The following RBCK1 variants were observed in gnomAD, a reference collection of about 807,000 sequenced individuals.
RBCK1 encodes the protein RANBP2-type and C3HC4-type zinc finger containing 1.
Under a neutral mutation model 71.1 loss-of-function variants are expected in RBCK1, and 44 were observed. The ratio of observed to expected loss-of-function variants is 0.62; its 90% CI spans 0.49 to 0.80. RBCK1 has a LOEUF of 0.80. RBCK1 is among the 30% of genes least tolerant of loss of function. RBCK1 has a pLI of 0.00. For synonymous variants in RBCK1, 306 were observed against 279.7 expected (o/e 1.09, Z -0.94); for missense variants, 569 against 685.0 (o/e 0.83, Z 1.89).
Position 419,435 on chromosome 20 carries a change from G to C in RBCK1, c.549G>C (p.Arg183=), listed in dbSNP as rs1029755805. ...PKPGVPQEPG[R]GQPDAVPEPP... ...CCGGGGTCCCCCAGGAACCCGGACG[G>C]GGGCAGCCAGATGCAGTGCCTGAGC... Residue 183 remains arginine, a synonymous_variant, in exon 5 of 12, where the codon CGG becomes CGC. Transcript: ENST00000356286. The C allele has an allele frequency of 6.2e-7, 1 of 1,609,178 alleles. No individual in the cohort carries two copies. Among genetic ancestry groups the C allele is most frequent in the Middle Eastern group, 1.7e-4 (1 of 6,010 alleles).
chr20:411,430 C>T (rs1410189737), intron 2 of RBCK1, among the ~76,000 whole-genome samples: 9 of 152,002 alleles, frequency 5.9e-5, no homozygotes, highest in African/African-American at 1.2e-4. Context: ...TGCAGTGGCG[C>T]GATCTCAGCT....
At chr20:419,769 G>A (rs780653781) in intron 6 of RBCK1, 38 bp downstream of exon 6, 4 of 1,521,722 alleles carry the variant, frequency 2.6e-6, no homozygotes, top group Non-Finnish European at 2.6e-6. Flanking sequence ...CCTGCAGACC[G>A]CACGGGGGAG....
At position 420,891 on chromosome 20, in the gene RBCK1, G is replaced by C. The variant is rs946047820; in HGVS notation, c.777G>C (p.Glu259Asp). 1 of 1,554,962 alleles carries C rather than the reference G, an allele frequency of 6.4e-7. No homozygotes were observed. The highest frequency in any genetic ancestry group is 1.4e-5 in the African/African-American group (1 of 72,350). ...CCCAGCGGAAGCAGCAGCAGCAGGA[G>C]GGGAACTACCTGCAGCACGTCCAGC... is the stretch of plus-strand genomic sequence containing the variant. ...QYQQRKQQQQ[E>D]GNYLQHVQLD... Residue 259 changes from glutamate (E) to aspartate (D), a missense_variant, in exon 7 of 12, where the codon GAG (glutamate) becomes GAC (aspartate). Glu to Asp is a conservative substitution (Grantham distance 45, BLOSUM62 2). Transcript: ENST00000356286.
chr20:426,259 AATT>A lies in RBCK1; in HGVS notation c.1030-1050_1030-1048del, dbSNP rs1042902968. 1.3e-3 allele frequency among the ~76,000 whole-genome samples: 196 copies of A among 152,294 alleles called. 1 individual carries two copies. Among genetic ancestry groups the A allele is most frequent in the African/African-American group, 4.4e-3 (181 of 41,560 alleles). Reference sequence around the variant, plus strand: ...TTAGTTATTATAAAATGTACAATTAAATTATTGGCTACAGTCTGTTGTGCTATC... The same window carrying A: ...TTAGTTATTATAAAATGTACAATTAAATTGGCTACAGTCTGTTGTGCTATC... On this transcript the variant is annotated intron_variant, in intron 8 of 11. Transcript: ENST00000356286.
Position 408,567 on chromosome 20 carries a change from C to T in RBCK1, c.-191C>T. 1 of 706,402 alleles carries T rather than the reference C, an allele frequency of 1.4e-6. No individual in the cohort carries two copies. Among genetic ancestry groups the T allele is most frequent in the East Asian group, 2.8e-5 (1 of 36,148 alleles). The allele number at this position is 706,402 out of a possible 1,614,324, so 43.8% of individuals were successfully genotyped here. A position where few individuals can be genotyped will look rare whatever the true frequency, so the allele number is the denominator to read the frequency against. ...TCACCGCCCCACGCAGGATCCCGGCCTGGTCACCGGGCAGTGTGATGCTTC... is the reference window on the plus strand; with the variant it reads ...TCACCGCCCCACGCAGGATCCCGGCTTGGTCACCGGGCAGTGTGATGCTTC... On this transcript the variant is annotated 5_prime_UTR_variant, in exon 1 of 12. Transcript: ENST00000356286.
At position 418,756 on chromosome 20, in the gene RBCK1, C is replaced by CT. The variant is rs1458710956; in HGVS notation, c.461-588dup. ...AGAGTAAGTTGCAGACATGATGTCT[C>CT]TTTCCCCTAAATAATTCAGTGTGCA... is the stretch of plus-strand genomic sequence containing the variant. On this transcript the variant is annotated intron_variant, in intron 4 of 11. Coordinates refer to ENST00000356286, the MANE Select transcript of RBCK1 (RefSeq NM_031229.4). Among the ~76,000 whole-genome samples, 4 of 152,256 alleles carry CT rather than the reference C, an allele frequency of 2.6e-5. No homozygotes were observed. In the East Asian group the frequency reaches 7.7e-4, roughly 29 times the overall value.
At chr20:426,939 A>G (rs1484821649) in intron 8 of RBCK1, among the ~76,000 whole-genome samples, 10 of 147,072 alleles carry the variant, frequency 6.8e-5, no homozygotes, top group Non-Finnish European at 1.5e-4. Flanking sequence ...GATCCTCACA[A>G]CCCAGCCTCC....
rs2122282048 is a variant in RBCK1, at chr20:422,190, C to T, written c.981C>T (p.Asp327=). 6.2e-7 allele frequency: 1 copy of T among 1,613,400 alleles called. No individual in the cohort carries two copies. Among genetic ancestry groups the T allele is most frequent in the African/African-American group, 1.3e-5 (1 of 75,022 alleles). The change falls in exon 8 of 12, where the codon GAC becomes GAT. Residue 327 remains aspartate (D), a synonymous_variant. Coordinates refer to ENST00000356286, the MANE Select transcript of RBCK1 (RefSeq NM_031229.4). This position sits in a 1 kb window ranked among gnomAD's most constrained non-coding sequence, Gnocchi z 5.0. ...CGGAGGTCTCCTGCCCCTTCATTGA[C>T]AACACCTACTCGTGCTCGGGCAAGC... ...QEAEVSCPFI[D]NTYSCSGKLL...
At chr20:419,322 A>G (rs1252215726) in intron 4 of RBCK1, 25 bp from the exon 5 acceptor site, 1 of 1,610,920 alleles carries the variant, frequency 6.2e-7, no homozygotes, top group Non-Finnish European at 8.5e-7. Context: ...GCGTGGAACC[A>G]CCACCCTTTA....
chr20:429,087 G>A lies in RBCK1; in HGVS notation c.1445G>A (p.Gly482Asp). 1 of 1,611,858 alleles carries A rather than the reference G, an allele frequency of 6.2e-7. No homozygotes were observed. Among genetic ancestry groups the A allele is most frequent in the Non-Finnish European group, 8.5e-7 (1 of 1,179,056 alleles). ...TGGGTCACCAAGGGCCCACGCTGGG[G>A]CCCTGGGGTGAGTCTTTGCTCGTGG... ...ICWVTKGPRW[G>D]PGGPGDTSGG... The change falls in exon 11 of 12, where the codon GGC (glycine) becomes GAC (aspartate). Residue 482 changes from glycine to aspartate, a missense_variant. Physicochemically the swap from Gly to Asp is moderately conservative, Grantham distance 94. Transcript: ENST00000356286.
chr20:430,261 A>G lies in RBCK1; in HGVS notation c.1453-89A>G, dbSNP rs2016948929. ...GCCATTCTTGCAGGAGGACCTGCAG[A>G]GGCAAAGGCCCGGGGTGGGAGAGCG... On this transcript the variant is annotated intron_variant, in intron 11 of 11. Coordinates refer to ENST00000356286, the MANE Select transcript of RBCK1 (RefSeq NM_031229.4). The surrounding 1 kb of genome is among the most constrained non-coding windows in gnomAD (Gnocchi z 5.6). 1 of 1,194,668 alleles carries G rather than the reference A, an allele frequency of 8.4e-7. No individual in the cohort carries two copies. The highest frequency in any genetic ancestry group is 1.8e-5 in the Admixed American group (1 of 55,678). 74.0% of individuals were successfully genotyped at this position (1,194,668 alleles called of 1,614,324 possible). A position where few individuals can be genotyped will look rare whatever the true frequency, so the allele number is the denominator to read the frequency against.
Position 430,609 on chromosome 20 carries a change from G to A in RBCK1, c.*179G>A, listed in dbSNP as rs919362741. The A allele has an allele frequency of 2.6e-5, 17 of 645,680 alleles. No individual in the cohort carries two copies. The highest frequency in any genetic ancestry group is 3.7e-5 in the South Asian group (2 of 54,362). 40.0% of individuals were successfully genotyped at this position (645,680 alleles called of 1,614,324 possible). ...CTTTGTCCTTCCCTTGGGGCTTGCCGGCCAGACTTCTCTCCCCTGCGGCTC... is the reference window on the plus strand; with the variant it reads ...CTTTGTCCTTCCCTTGGGGCTTGCCAGCCAGACTTCTCTCCCCTGCGGCTC... On this transcript the variant is annotated 3_prime_UTR_variant, in exon 12 of 12. Coordinates refer to ENST00000356286, the MANE Select transcript of RBCK1 (RefSeq NM_031229.4). This position sits in a 1 kb window ranked among gnomAD's most constrained non-coding sequence, Gnocchi z 5.6.
Position 422,059 on chromosome 20 carries a change from G to A in RBCK1, c.918-68G>A, listed in dbSNP as rs2016467413. On this transcript the variant is annotated intron_variant, in intron 7 of 11. Coordinates refer to ENST00000356286, the MANE Select transcript of RBCK1 (RefSeq NM_031229.4). This position sits in a 1 kb window ranked among gnomAD's most constrained non-coding sequence, Gnocchi z 5.0. The stretch of plus-strand genomic sequence containing the variant: ...GGCCCCTGGGGTCAGGCCTTGCCAT[G>A]TGAGGGATGGAGTCCCCAGTGAAGG... The A allele has an allele frequency of 7.8e-7, 1 of 1,286,086 alleles. No homozygotes were observed. The allele number at this position is 1,286,086 out of a possible 1,614,324, so 79.7% of individuals were successfully genotyped here. A position where few individuals can be genotyped will look rare whatever the true frequency, so the allele number is the denominator to read the frequency against.
At chr20:413,804 T>TC (rs11484235) in intron 2 of RBCK1, among the ~76,000 whole-genome samples, 11,404 of 151,996 alleles carry the variant, frequency 0.075, 533 homozygotes, top group East Asian at 0.21. Context: ...TATGTGTTAT[T>TC]GGTAATAACA....
At chr20:415,935 G>A (rs147148864) in intron 2 of RBCK1, among the ~76,000 whole-genome samples, 111 of 152,248 alleles carry the variant, frequency 7.3e-4, no homozygotes, top group Non-Finnish European at 1.3e-3. Context: ...GACTCACTAT[G>A]GCGAGAAGTC....
Position 429,107 on chromosome 20 carries a change from T to C in RBCK1, c.1452+13T>C. 1 of 1,606,364 alleles carries C rather than the reference T, an allele frequency of 6.2e-7. No individual in the cohort carries two copies. Among genetic ancestry groups the C allele is most frequent in the African/African-American group, 1.3e-5 (1 of 74,784 alleles). On this transcript the variant is annotated intron_variant, in intron 11 of 11. Transcript: ENST00000356286. ...CTGGGGCCCTGGGGTGAGTCTTTGCTCGTGGTGGTGTGGAGAGGGTGCCCT... is the reference window on the plus strand; with the variant it reads ...CTGGGGCCCTGGGGTGAGTCTTTGCCCGTGGTGGTGTGGAGAGGGTGCCCT...
chr20:430,486 A>G lies in RBCK1; in HGVS notation c.*56A>G, dbSNP rs1424278360. 9 of 1,531,252 alleles carry G rather than the reference A, an allele frequency of 5.9e-6. No homozygotes were observed. Among genetic ancestry groups the G allele is most frequent in the Non-Finnish European group, 8.1e-6 (9 of 1,105,678 alleles). 94.9% of individuals were successfully genotyped at this position (1,531,252 alleles called of 1,614,324 possible). On this transcript the variant is annotated 3_prime_UTR_variant, in exon 12 of 12. Coordinates refer to ENST00000356286, the MANE Select transcript of RBCK1 (RefSeq NM_031229.4). This position sits in a 1 kb window ranked among gnomAD's most constrained non-coding sequence, Gnocchi z 5.6. ...AGCCCCACATCCACATTCTGTTAGA[A>G]TGTAGCTCAGGGAGCTTCGTGGACG...
intron 7 of RBCK1, among the ~76,000 whole-genome samples, chr20:421,474 C>T (rs987076087): frequency 6.6e-6 from 1 of 152,208 alleles, no homozygotes; most frequent in Non-Finnish European, 1.5e-5. Context: ...CCTCCTGCAG[C>T]TTACATTCCA....
chr20:424,821 G>T (rs116547788), intron 8 of RBCK1, among the ~76,000 whole-genome samples: 2,420 of 152,302 alleles, frequency 0.016, 64 homozygotes, highest in African/African-American at 0.055. Flanking sequence ...TCAGAAAATG[G>T]TCAAGTGTGA....
Sources: gnomAD v4.1 joint callset for allele counts (sites outside exome capture counted in the v4.1 genomes callset) on GRCh38, gnomAD v4.1.1 for gene constraint, Gnocchi (gnomAD v3.1) non-coding constraint, MANE v1.5 for transcripts, NCBI Gene and HGNC (gene_info 2026-07-23, HGNC 2026-07-21) for gene names.